RIMS2: variants seen among roughly 807,000 people sequenced by gnomAD.
RIMS2 encodes regulating synaptic membrane exocytosis protein 2.
A neutral mutation model predicts 174.4 loss-of-function variants in RIMS2; 59 were observed. The observed-to-expected ratio is 0.34, with a 90% CI of 0.27 to 0.42. The LOEUF (loss-of-function observed/expected upper bound fraction) is 0.42, where lower values mean the gene tolerates loss of function less well. Among genes scored for constraint, RIMS2 ranks in the 10% least tolerant of loss-of-function variants. The probability of loss-of-function intolerance (pLI) is 1.00; values close to 1 mark genes in which losing one functional copy is unlikely to be tolerated. For missense variants in RIMS2, 1,620 were observed against 1,666.3 expected (o/e 0.97, Z 0.48); for synonymous variants, 606 against 572.5 (o/e 1.06, Z -0.84).
At chr8:103,564,704 T>C (rs1311373802) in intron 1 of RIMS2, among the ~76,000 whole-genome samples, 1 of 152,206 alleles carries the variant, frequency 6.6e-6, no homozygotes, top group Non-Finnish European at 1.5e-5. Flanking sequence ...TTCTGCCTGC[T>C]TTTATCCTAG....
chr8:103,715,733 T>C (rs2097360464), intron 2 of RIMS2, among the ~76,000 whole-genome samples: 1 of 152,166 alleles, frequency 6.6e-6, no homozygotes, highest in Admixed American at 6.5e-5. Context: ...CCAGTGGTAA[T>C]CAATAATAAC....
intron 19 of RIMS2, among the ~76,000 whole-genome samples, chr8:104,091,264 A>G (rs1197821303): frequency 6.6e-6 from 1 of 151,790 alleles, no homozygotes; most frequent in Non-Finnish European, 1.5e-5. Flanking sequence ...ACAGTTTTCC[A>G]TTTGAATTTA....
intron 2 of RIMS2, among the ~76,000 whole-genome samples, chr8:103,728,748 C>CTTTTTTTTTTTTTTTTTTTTT (rs71575982): frequency 3.2e-5 from 3 of 92,682 alleles, no homozygotes; most frequent in Non-Finnish European, 4.2e-5. Context: ...TATGCTCCTT[C>CTTTTTTTTTTTTTTTTTTTTT]TTTTTTTTTT....
At chr8:103,787,311 G>A (rs941254261) in intron 3 of RIMS2, among the ~76,000 whole-genome samples, 3 of 151,674 alleles carry the variant, frequency 2.0e-5, no homozygotes, top group South Asian at 2.1e-4. Flanking sequence ...TGATCTTGTC[G>A]TTATGATGTT....
chr8:104,176,195 C>T (rs537936249), intron 19 of RIMS2, among the ~76,000 whole-genome samples: 1 of 152,268 alleles, frequency 6.6e-6, no homozygotes, highest in Admixed American at 6.5e-5. Context: ...TGCTCCCTTA[C>T]TTCTTGTTTC....
rs184449162 is a variant in RIMS2 at position 103,923,394 on chromosome 8, C to G, written c.2196+1610C>G. On this transcript the variant is annotated intron_variant, in intron 10 of 23. Coordinates refer to ENST00000504942, the Ensembl canonical transcript of RIMS2. ...ATCACTTTGTTATCTCATTTGAATCCCAAGGTCTTATTACAGATTGGACTA... is the reference window on the plus strand; with the variant it reads ...ATCACTTTGTTATCTCATTTGAATCGCAAGGTCTTATTACAGATTGGACTA... Among the ~76,000 whole-genome samples the G allele has an allele frequency of 2.9e-4, 44 of 151,628 alleles. 1 individual carries two copies. Among genetic ancestry groups the G allele is most frequent in the African/African-American group, 1.0e-3 (43 of 41,416 alleles).
In RIMS2 at chr8:104,055,844, G is replaced by C. The variant is rs1055436780; in HGVS notation, c.3334+41229G>C. ...AATTTCTCAATATAGTCAGTGTCTCGTTTGTCCTGTCTGTCTCTCCTAGGC... is the reference window on the plus strand; with the variant it reads ...AATTTCTCAATATAGTCAGTGTCTCCTTTGTCCTGTCTGTCTCTCCTAGGC... On this transcript the variant is annotated intron_variant, in intron 19 of 23. Coordinates refer to ENST00000504942, the Ensembl canonical transcript of RIMS2. Among the ~76,000 whole-genome samples the C allele has an allele frequency of 5.9e-5, 9 of 152,020 alleles. 1 individual carries two copies. The highest frequency in any genetic ancestry group is 3.2e-3 in the Middle Eastern group (1 of 316).
chr8:104,230,798 G>T (rs933498605), intron 19 of RIMS2, among the ~76,000 whole-genome samples: 2 of 152,198 alleles, frequency 1.3e-5, no homozygotes, highest in Non-Finnish European at 2.9e-5. Context: ...GCTGGAGAAA[G>T]CTTATCTATC....
intron 2 of RIMS2, among the ~76,000 whole-genome samples, chr8:103,712,060 C>G (rs570453827): frequency 7.0e-4 from 106 of 151,932 alleles, no homozygotes; most frequent in Non-Finnish European, 9.6e-4. Context: ...GGCACAATCA[C>G]AGCTCACTGG....
chr8:103,809,039 T>G (rs1225761321), intron 3 of RIMS2, among the ~76,000 whole-genome samples: 1 of 152,202 alleles, frequency 6.6e-6, no homozygotes, highest in Non-Finnish European at 1.5e-5. Flanking sequence ...AAAATCAGAA[T>G]CTCAACAGTT....
At chr8:104,057,596 T>G (rs2096893242) in intron 19 of RIMS2, among the ~76,000 whole-genome samples, 1 of 151,806 alleles carries the variant, frequency 6.6e-6, no homozygotes, top group Non-Finnish European at 1.5e-5. Flanking sequence ...ACTTTAAGTT[T>G]TAGGGTACAT....
intron 1 of RIMS2, among the ~76,000 whole-genome samples, chr8:103,529,358 T>A (rs1586866871): frequency 6.6e-6 from 1 of 152,216 alleles, no homozygotes; most frequent in African/African-American, 2.4e-5. Flanking sequence ...TGCTGCCACC[T>A]TGCAGTTTGA....
chr8:103,576,506 A>G (rs1195120594), intron 1 of RIMS2, among the ~76,000 whole-genome samples: 1 of 152,206 alleles, frequency 6.6e-6, no homozygotes, highest in African/African-American at 2.4e-5. Context: ...GGCTGACCCT[A>G]ACGAGACAGC....
chr8:103,716,535 A>ACAC (rs1369750884), intron 2 of RIMS2, among the ~76,000 whole-genome samples: 1 of 152,020 alleles, frequency 6.6e-6, no homozygotes, highest in East Asian at 1.9e-4. Flanking sequence ...ATTATAGATG[A>ACAC]AAAGTTGATT....
chr8:104,072,939 G>T (rs1198172032), intron 19 of RIMS2, among the ~76,000 whole-genome samples: 4 of 152,070 alleles, frequency 2.6e-5, no homozygotes, highest in Admixed American at 1.3e-4. Flanking sequence ...ATTTCTCAGG[G>T]AGTTTCCCTC....
intron 3 of RIMS2, among the ~76,000 whole-genome samples, chr8:103,855,987 C>A (rs573846472): frequency 6.6e-6 from 1 of 152,200 alleles, no homozygotes; most frequent in African/African-American, 2.4e-5. Flanking sequence ...GTGTGGTTGT[C>A]TAAGTCTTTT....
chr8:103,871,115 A>G (rs2099109403), intron 3 of RIMS2, among the ~76,000 whole-genome samples: 1 of 152,210 alleles, frequency 6.6e-6, no homozygotes, highest in Non-Finnish European at 1.5e-5. Flanking sequence ...CCAATAGAAA[A>G]TAATGTAAAA....
intron 2 of RIMS2, among the ~76,000 whole-genome samples, chr8:103,743,537 T>C (rs556260740): frequency 6.9e-6 from 1 of 144,928 alleles, no homozygotes; most frequent in East Asian, 2.1e-4. Context: ...GTTTCCTTTT[T>C]GTCATATCGT....
intron 3 of RIMS2, among the ~76,000 whole-genome samples, chr8:103,815,373 G>A (rs1056075989): frequency 1.3e-5 from 2 of 152,070 alleles, no homozygotes; most frequent in African/African-American, 2.4e-5. Flanking sequence ...TTATTCAAGT[G>A]TTGATTAGTT....
Sources: gnomAD v4.1 joint callset for allele counts (sites outside exome capture counted in the v4.1 genomes callset) on GRCh38, gnomAD v4.1.1 for gene constraint, MANE v1.5 for transcripts, NCBI Gene and HGNC (gene_info 2026-07-23, HGNC 2026-07-21) for gene names.